The following AK8 variants were observed in gnomAD, a reference collection of about 807,000 sequenced individuals.
AK8 encodes the protein adenylate kinase 8, also known as ATP-AMP transphosphorylase 8.
A neutral mutation model predicts 54.6 loss-of-function variants in AK8; 44 were observed. The ratio of observed to expected loss-of-function variants is 0.81; its 90% CI spans 0.63 to 1.04. The LOEUF is 1.04. Among genes scored for constraint, AK8 ranks in the 50% least tolerant of loss-of-function variants. AK8 has a pLI of 0.00. For missense variants in AK8, 555 were observed against 613.6 expected (o/e 0.90, Z 1.01); for synonymous variants, 239 against 245.6 (o/e 0.97, Z 0.25).
At chr9:132,848,643 G>C (rs899045669) in intron 5 of AK8, among the ~76,000 whole-genome samples, 1 of 152,112 alleles carries the variant, frequency 6.6e-6, no homozygotes, top group Non-Finnish European at 1.5e-5. Flanking sequence ...CCTTGCCTTG[G>C]TCATGTTTGA....
chr9:132,801,708 C>T (rs938521508), intron 10 of AK8, among the ~76,000 whole-genome samples: 1 of 152,238 alleles, frequency 6.6e-6, no homozygotes, highest in East Asian at 1.9e-4. Context: ...TATATTGACT[C>T]ACCAAGCATG....
chr9:132,864,311 C>T (rs1269277574), intron 3 of AK8, among the ~76,000 whole-genome samples: 1 of 152,210 alleles, frequency 6.6e-6, no homozygotes, highest in Non-Finnish European at 1.5e-5. Flanking sequence ...GTGCTGATGA[C>T]TATTTCAGCC....
At chr9:132,854,720 T>C (rs947253463) in intron 5 of AK8, 137 bp downstream of exon 5, 1 of 860,474 alleles carries the variant, frequency 1.2e-6, no homozygotes, top group Non-Finnish European at 1.9e-6. Context: ...GTCTGTAGAC[T>C]GACCTTCACG....
chr9:132,740,389 A>C (rs1837314997), intron 11 of AK8, among the ~76,000 whole-genome samples: 1 of 152,178 alleles, frequency 6.6e-6, no homozygotes, highest in African/African-American at 2.4e-5. Context: ...AGAGGCAGAG[A>C]CTTGAACCCA....
intron 5 of AK8, among the ~76,000 whole-genome samples, chr9:132,835,130 A>G (rs1842268396): frequency 6.6e-6 from 1 of 152,202 alleles, no homozygotes; most frequent in African/African-American, 2.4e-5. Context: ...TTAGCTGCCC[A>G]AAGTGCTGGG....
intron 8 of AK8, among the ~76,000 whole-genome samples, chr9:132,825,072 A>G (rs1236984241): frequency 2.6e-5 from 4 of 152,232 alleles, no homozygotes; most frequent in Admixed American, 1.3e-4. Context: ...CTTTATTCTC[A>G]GACCTTCCAT....
At position 132,823,353 on chromosome 9, in the gene AK8, T is replaced by C. The variant is rs200759750; in HGVS notation, c.758-17A>G. On this transcript the variant is annotated splice_polypyrimidine_tract_variant and intron_variant, in intron 8 of 12. Coordinates refer to ENST00000298545, the MANE Select transcript of AK8 (RefSeq NM_152572.3). ...AGGTCAGAGCTGGAAAGAGAGGATA[T>C]GAGGATAATAAACCCAGGTCCTAGA... 1.9e-6 allele frequency: 3 copies of C among 1,613,344 alleles called. No individual in the cohort carries two copies. Among genetic ancestry groups the C allele is most frequent in the Admixed American group, 3.3e-5 (2 of 59,984 alleles).
intron 5 of AK8, among the ~76,000 whole-genome samples, chr9:132,854,224 A>G (rs1442317907): frequency 6.6e-6 from 1 of 152,228 alleles, no homozygotes; most frequent in Non-Finnish European, 1.5e-5. Flanking sequence ...ACATACATAC[A>G]TATATACATA....
intron 7 of AK8, 116 bp downstream of exon 7, chr9:132,827,897 C>G: frequency 9.8e-7 from 1 of 1,019,926 alleles, no homozygotes; most frequent in South Asian, 1.6e-5. Flanking sequence ...CAGCCTTCCT[C>G]GTGTCCCTCT....
intron 11 of AK8, among the ~76,000 whole-genome samples, chr9:132,738,168 C>T (rs780395777): frequency 3.3e-5 from 5 of 152,120 alleles, no homozygotes; most frequent in Non-Finnish European, 7.4e-5. Context: ...ATTCTCCTGC[C>T]TCAGCCTCCC....
chr9:132,834,996 A>G (rs1015984038), intron 5 of AK8, among the ~76,000 whole-genome samples: 1 of 151,944 alleles, frequency 6.6e-6, no homozygotes, highest in Non-Finnish European at 1.5e-5. Context: ...CAGCCTCCCA[A>G]GTAGCTGGGA....
intron 10 of AK8, among the ~76,000 whole-genome samples, chr9:132,796,846 C>T (rs897541096): frequency 4.6e-5 from 7 of 151,766 alleles, no homozygotes; most frequent in African/African-American, 1.5e-4. Flanking sequence ...GCCGCCACTT[C>T]ACGCTCCATG....
chr9:132,800,443 G>A (rs1448893815), intron 10 of AK8, among the ~76,000 whole-genome samples: 1 of 152,170 alleles, frequency 6.6e-6, no homozygotes, highest in African/African-American at 2.4e-5. Context: ...TCCATCGGCC[G>A]CACCCTGCAA....
At chr9:132,774,268 G>T (rs61588385) in intron 11 of AK8, among the ~76,000 whole-genome samples, 2,984 of 152,196 alleles carry the variant, frequency 0.02, 86 homozygotes, top group African/African-American at 0.065. Context: ...TCATGGGGGG[G>T]TTGGGGGTGG....
intron 11 of AK8, among the ~76,000 whole-genome samples, chr9:132,765,087 G>A (rs897589278): frequency 3.9e-5 from 6 of 152,076 alleles, no homozygotes; most frequent in African/African-American, 1.4e-4. Context: ...GAGTTCAGGA[G>A]TTTGAGACCA....
At chr9:132,774,070 C>T (rs1839099336) in intron 11 of AK8, among the ~76,000 whole-genome samples, 1 of 152,162 alleles carries the variant, frequency 6.6e-6, no homozygotes, top group Non-Finnish European at 1.5e-5. Context: ...CTCCCCACTC[C>T]ACCTTCTACT....
chr9:132,843,282 C>T (rs1471753369), intron 5 of AK8, among the ~76,000 whole-genome samples: 1 of 152,062 alleles, frequency 6.6e-6, no homozygotes, highest in Admixed American at 6.6e-5. Context: ...TGTGTGGCGC[C>T]TCCCCCTCCC....
At chr9:132,742,565 G>A in intron 11 of AK8, among the ~76,000 whole-genome samples, 1 of 152,194 alleles carries the variant, frequency 6.6e-6, no homozygotes, top group East Asian at 1.9e-4. Context: ...ACCAGCACCT[G>A]GCATTTCTGC....
At position 132,725,639 on chromosome 9, in the gene AK8, G is replaced by C. The variant is rs779977107; in HGVS notation, c.*49C>G. On this transcript the variant is annotated 3_prime_UTR_variant, in exon 13 of 13. Transcript: ENST00000298545. ...CTGTGCCGAGGCTGGGGGGCTGGGG[G>C]CAGGGGATTAACTCTTTCCCTGGGG... 41 of 1,484,566 alleles carry C rather than the reference G, an allele frequency of 2.8e-5. No individual in the cohort carries two copies. The highest frequency in any genetic ancestry group is 3.8e-5 in the Non-Finnish European group (41 of 1,087,570). 92.0% of individuals were successfully genotyped at this position (1,484,566 alleles called of 1,614,324 possible). A position where few individuals can be genotyped will look rare whatever the true frequency, so the allele number is the denominator to read the frequency against.
Sources: allele counts gnomAD v4.1 joint callset (sites outside exome capture counted in the v4.1 genomes callset), GRCh38; gene constraint gnomAD v4.1.1; transcripts MANE v1.5; gene names NCBI Gene and HGNC (gene_info 2026-07-23, HGNC 2026-07-21).